Variants in RBM5 observed in about 807,000 individuals in gnomAD.
RBM5 encodes RNA-binding protein 5.
RBM5 carries 15 observed loss-of-function variants against 124.6 expected under a neutral mutation model. That is an observed-to-expected ratio of 0.12 (90% confidence interval 0.08 to 0.19). The LOEUF (loss-of-function observed/expected upper bound fraction) is 0.19, where lower values mean the gene tolerates loss of function less well. RBM5 is among the 10% of genes least tolerant of loss of function. The pLI, the probability that RBM5 is intolerant of heterozygous loss-of-function variation, is 1.00. For synonymous variants in RBM5, 337 were observed against 361.2 expected (o/e 0.93, Z 0.76); for missense variants, 580 against 1,026.5 (o/e 0.57, Z 5.94).
chr3:50,115,429 G>C lies in RBM5; in HGVS notation c.1841G>C (p.Arg614Thr). Residue 614 changes from arginine (R) to threonine (T), a missense_variant and splice_region_variant, in exon 21 of 25, where the codon AGG becomes ACG. Transcript: ENST00000347869. ...RNGDEENPLK[R>T]GLVAAYSGDS... ...GACCTGTCCTCCTTTTGTCTCCAGA[G>C]GGGTCTGGTTGCTGCTTACAGTGGT... 1.2e-6 allele frequency: 2 copies of C among 1,613,286 alleles called. No homozygotes were observed. Among genetic ancestry groups the C allele is most frequent in the Admixed American group, 1.7e-5 (1 of 59,658 alleles).
Position 50,108,428 on chromosome 3 carries a change from G to A in RBM5, c.1192+124G>A, listed in dbSNP as rs943859896. 4 of 976,774 alleles carry A rather than the reference G, an allele frequency of 4.1e-6. No individual in the cohort carries two copies. In the African/African-American group the frequency reaches 4.8e-5, roughly 12 times the overall value. The allele number at this position is 976,774 out of a possible 1,614,324, so 60.5% of individuals were successfully genotyped here. A position where few individuals can be genotyped will look rare whatever the true frequency, so the allele number is the denominator to read the frequency against. On this transcript the variant is annotated intron_variant, in intron 14 of 24. Coordinates refer to ENST00000347869, the MANE Select transcript of RBM5 (RefSeq NM_005778.4). Reference sequence around the variant, plus strand: ...TCTCTGTAAGATTGTAGGGGGCATGGCCGGGCACGGTGGCTCACGCCTGTA... The same window carrying A: ...TCTCTGTAAGATTGTAGGGGGCATGACCGGGCACGGTGGCTCACGCCTGTA...
At chr3:50,106,297 T>C (rs1199619452) in intron 10 of RBM5, among the ~76,000 whole-genome samples, 2 of 151,868 alleles carry the variant, frequency 1.3e-5, no homozygotes, top group Non-Finnish European at 2.9e-5. Flanking sequence ...CTCACCACCA[T>C]GCTCAGCTAA....
At chr3:50,092,852 C>A in intron 3 of RBM5, 1 of 335,422 alleles carries the variant, frequency 3.0e-6, no homozygotes. Context: ...AGTTAGAGGC[C>A]AGCCTGGGCA....
rs61297967 is a variant in RBM5 at position 50,106,118 on chromosome 3, ATTTTTTTTTTTTTTT to A, written c.855+429_855+443del. Among the ~76,000 whole-genome samples the A allele has an allele frequency of 5.8e-3, 191 of 32,770 alleles. 5 individuals carry two copies. The South Asian group carries it at 0.15, about 26-fold the overall frequency. The allele number at this position is 32,770 out of a possible 152,430, so 21.5% of individuals were successfully genotyped here. A position where few individuals can be genotyped will look rare whatever the true frequency, so the allele number is the denominator to read the frequency against. Reference sequence around the variant, plus strand: ...CAGGTGCCCGCCACCACGCCCAGCTATTTTTTTTTTTTTTTTTTTTTTTTTTTTTTTTTTGAGAGG... The same window carrying A: ...CAGGTGCCCGCCACCACGCCCAGCTATTTTTTTTTTTTTTTTTTTGAGAGG... On this transcript the variant is annotated intron_variant, in intron 10 of 24. Coordinates refer to ENST00000347869, the MANE Select transcript of RBM5 (RefSeq NM_005778.4).
intron 7 of RBM5, 27 bp downstream of exon 7, chr3:50,103,193 CAA>C (rs1260293242): frequency 2.6e-6 from 4 of 1,532,192 alleles, no homozygotes; most frequent in Middle Eastern, 3.4e-4. Flanking sequence ...CCCAAATAGA[CAA>C]AACTCCTTTA....
intron 14 of RBM5, among the ~76,000 whole-genome samples, chr3:50,109,232 C>G (rs2091097632): frequency 6.6e-6 from 1 of 152,124 alleles, no homozygotes; most frequent in African/African-American, 2.4e-5. Context: ...TGCCACCACT[C>G]CCGGCTAATT....
intron 15 of RBM5, chr3:50,109,966 A>T: frequency 2.9e-6 from 1 of 339,164 alleles, no homozygotes; most frequent in East Asian, 6.1e-5. Flanking sequence ...TAATCCCAGC[A>T]CTTTGGGAGG....
In RBM5 at chr3:50,093,888, GAC is replaced by G; in HGVS notation, c.339+15_339+16del. On this transcript the variant is annotated intron_variant, in intron 4 of 24. Coordinates refer to ENST00000347869, the MANE Select transcript of RBM5 (RefSeq NM_005778.4). ...CACAGAGAGCGATGTAAGGGGAAATGACAGTTATAACCAGCAGTCAGTAGGCA... is the reference window on the plus strand; with the variant it reads ...CACAGAGAGCGATGTAAGGGGAAATGAGTTATAACCAGCAGTCAGTAGGCA... 3 of 1,598,260 alleles carry G rather than the reference GAC, an allele frequency of 1.9e-6. No individual in the cohort carries two copies. Among genetic ancestry groups the G allele is most frequent in the South Asian group, 1.1e-5 (1 of 90,498 alleles).
At chr3:50,098,535 C>T (rs2090871114) in intron 4 of RBM5, among the ~76,000 whole-genome samples, 2 of 151,954 alleles carry the variant, frequency 1.3e-5, no homozygotes, top group Admixed American at 6.6e-5. Flanking sequence ...CTCCGCCTCC[C>T]GGGGTCAAGC....
chr3:50,097,157 A>T (rs976919360), intron 4 of RBM5, among the ~76,000 whole-genome samples: 1 of 152,118 alleles, frequency 6.6e-6, no homozygotes, highest in East Asian at 1.9e-4. Flanking sequence ...GCACTTTAGG[A>T]TTCTGAGGCA....
Position 50,118,773 on chromosome 3 carries a change from C to T in RBM5, c.*317C>T, listed in dbSNP as rs2091304727. ...TATGTTGTGGTCCATCAGCCCCTCA[C>T]ATTCCTAGGGGTTTGAGATGCTGTA... On this transcript the variant is annotated 3_prime_UTR_variant, in exon 25 of 25. Transcript: ENST00000347869. 3.5e-6 allele frequency: 1 copy of T among 285,142 alleles called. No homozygotes were observed. Among genetic ancestry groups the T allele is most frequent in the Non-Finnish European group, 6.7e-6 (1 of 149,926 alleles). 17.7% of individuals were successfully genotyped at this position (285,142 alleles called of 1,614,324 possible).
chr3:50,109,700 G>T lies in RBM5; in HGVS notation c.1278+12G>T. ...CACCTGGCTCTCCGGTAATCCTGTT[G>T]TCCTATATACAAAACTCGTGGCTGA... On this transcript the variant is annotated intron_variant, in intron 15 of 24. Transcript: ENST00000347869. 6.2e-7 allele frequency: 1 copy of T among 1,606,274 alleles called. No homozygotes were observed. Among genetic ancestry groups the T allele is most frequent in the Non-Finnish European group, 8.5e-7 (1 of 1,172,924 alleles).
At chr3:50,089,511 T>TGACGCCGCCATCTCGGCCGC (rs2090663113) in intron 1 of RBM5, among the ~76,000 whole-genome samples, 1 of 152,206 alleles carries the variant, frequency 6.6e-6, no homozygotes, top group Non-Finnish European at 1.5e-5. Context: ...GAGCAGGCCG[T>TGACGCCGCCATCTCGGCCGC]GACGCCGCCA....
intron 4 of RBM5, among the ~76,000 whole-genome samples, chr3:50,097,191 C>T (rs922805893): frequency 1.3e-5 from 2 of 151,894 alleles, no homozygotes; most frequent in African/African-American, 4.8e-5. Context: ...GTCAGGAGAT[C>T]GAGACCATCC....
chr3:50,099,778 C>A (rs1051729030), intron 4 of RBM5: 16 of 414,316 alleles, frequency 3.9e-5, no homozygotes, highest in Non-Finnish European at 5.2e-5. Flanking sequence ...AGGAGAATTG[C>A]TTGAACCCAG....
intron 16 of RBM5, 68 bp downstream of exon 16, chr3:50,110,531 T>C: frequency 6.6e-7 from 1 of 1,516,602 alleles, no homozygotes; most frequent in Non-Finnish European, 9.1e-7. Flanking sequence ...TTAATGAGAG[T>C]TCTTCTCCCT....
Position 50,100,093 on chromosome 3 carries a change from C to T in RBM5, c.409+42C>T, listed in dbSNP as rs373130406. 1.9e-4 allele frequency: 292 copies of T among 1,553,358 alleles called. No individual in the cohort carries two copies. Among genetic ancestry groups the T allele is most frequent in the Middle Eastern group, 1.3e-3 (8 of 5,946 alleles). Reference sequence around the variant, plus strand: ...TTCCTGATATTATTGTTCTCTTCCCCATTCCCACCTCAGTCCCTAAAGAAC... The same window carrying T: ...TTCCTGATATTATTGTTCTCTTCCCTATTCCCACCTCAGTCCCTAAAGAAC... On this transcript the variant is annotated intron_variant, in intron 5 of 24. Coordinates refer to ENST00000347869, the MANE Select transcript of RBM5 (RefSeq NM_005778.4). This position sits in a 1 kb window ranked among gnomAD's most constrained non-coding sequence, Gnocchi z 5.1.
chr3:50,097,269 G>A (rs1043158126), intron 4 of RBM5, among the ~76,000 whole-genome samples: 4 of 152,160 alleles, frequency 2.6e-5, no homozygotes, highest in African/African-American at 7.2e-5. Flanking sequence ...GGTGGCGGGC[G>A]CCTGTAGTCC....
At chr3:50,107,059 G>A (rs2091046744) in intron 11 of RBM5, 195 bp downstream of exon 11, 3 of 695,932 alleles carry the variant, frequency 4.3e-6, no homozygotes, top group African/African-American at 1.8e-5. Context: ...TGATGAAGTT[G>A]CCTGAAATGG....
Sources: allele counts gnomAD v4.1 joint callset (sites outside exome capture counted in the v4.1 genomes callset), GRCh38; gene constraint gnomAD v4.1.1; non-coding constraint Gnocchi (gnomAD v3.1); transcripts MANE v1.5; gene names NCBI Gene and HGNC (gene_info 2026-07-23, HGNC 2026-07-21).